Variants in PODXL2 observed in about 807,000 individuals in gnomAD.
The protein encoded by PODXL2 is podocalyxin like 2, also known as podocalyxin-like protein 2.
A neutral mutation model predicts 53.4 loss-of-function variants in PODXL2; 17 were observed. That is an observed-to-expected ratio of 0.32 (90% CI 0.22 to 0.48). The LOEUF is 0.48. Among genes scored for constraint, PODXL2 ranks in the 20% least tolerant of loss-of-function variants. The pLI is 0.99. For synonymous variants in PODXL2, 311 were observed against 306.7 expected (o/e 1.01, Z -0.15); for missense variants, 673 against 760.0 (o/e 0.89, Z 1.35).
intron 2 of PODXL2, among the ~76,000 whole-genome samples, chr3:127,659,409 AG>A (rs1286724910): frequency 6.6e-6 from 1 of 152,218 alleles, no homozygotes; most frequent in Non-Finnish European, 1.5e-5. Context: ...ATTTGATAAA[AG>A]TTTTGGAGGA....
At position 127,660,928 on chromosome 3, in the gene PODXL2, C is replaced by T. The variant is rs544050882; in HGVS notation, c.900C>T (p.His300=). The T allele has an allele frequency of 2.2e-5, 35 of 1,614,224 alleles. No homozygotes were observed. Among genetic ancestry groups the T allele is most frequent in the African/African-American group, 2.7e-5 (2 of 75,048 alleles). Reference sequence around the variant, plus strand: ...GAGCAGCTGGTTTGTCTGGCCAGCACGAGGAGGTGCCGGCCTTGCCTTCAT... The same window carrying T: ...GAGCAGCTGGTTTGTCTGGCCAGCATGAGGAGGTGCCGGCCTTGCCTTCAT... The part of the protein sequence containing the change: ...TAGAAGLSGQ[H]EEVPALPSFP... The change falls in exon 3 of 8, where the codon CAC becomes CAT. Residue 300 remains histidine, a synonymous_variant. Coordinates refer to ENST00000342480, the MANE Select transcript of PODXL2 (RefSeq NM_015720.4).
At chr3:127,642,908 A>G (rs1481442800) in intron 2 of PODXL2, among the ~76,000 whole-genome samples, 1 of 152,214 alleles carries the variant, frequency 6.6e-6, no homozygotes, top group Non-Finnish European at 1.5e-5. Context: ...TTTCCCATCT[A>G]GGAAATGGAG....
intron 4 of PODXL2, among the ~76,000 whole-genome samples, chr3:127,667,612 C>G (rs145949199): frequency 1.3e-5 from 2 of 152,236 alleles, no homozygotes; most frequent in Admixed American, 6.5e-5. Context: ...TGTGCCCCAG[C>G]CTGGGCTCTT....
At chr3:127,662,474 A>T (rs9867113) in intron 4 of PODXL2, among the ~76,000 whole-genome samples, 163 bp downstream of exon 4, 3,133 of 152,192 alleles carry the variant, frequency 0.021, 105 homozygotes, top group African/African-American at 0.067. Flanking sequence ...ACACACAGAG[A>T]GCTTTCGTAT....
chr3:127,639,634 T>A, intron 2 of PODXL2, 111 bp downstream of exon 2: 1 of 1,043,010 alleles, frequency 9.6e-7, no homozygotes, highest in Non-Finnish European at 1.4e-6. Flanking sequence ...CCTACAGTTT[T>A]TACCATGCTG....
Position 127,629,329 on chromosome 3 carries a change from C to T in PODXL2, c.70+40C>T. ...GGCCCGAGCGCGGGAGGGCGGGCGG[C>T]GGCGTGGGCGCGGTGCTGGACAGCT... On this transcript the variant is annotated intron_variant, in intron 1 of 7. Transcript: ENST00000342480. The surrounding 1 kb of genome is among the most constrained non-coding windows in gnomAD (Gnocchi z 6.4). 1 of 1,009,674 alleles carries T rather than the reference C, an allele frequency of 9.9e-7. No individual in the cohort carries two copies. The highest frequency in any genetic ancestry group is 9.4e-5 in the East Asian group (1 of 10,600). 62.5% of individuals were successfully genotyped at this position (1,009,674 alleles called of 1,614,324 possible).
At chr3:127,653,969 T>C (rs1384873004) in intron 2 of PODXL2, among the ~76,000 whole-genome samples, 1 of 152,238 alleles carries the variant, frequency 6.6e-6, no homozygotes, top group Non-Finnish European at 1.5e-5. Context: ...CACAGCAGGA[T>C]GATCAAAATC....
chr3:127,654,965 CAG>C (rs1304567213), intron 2 of PODXL2, among the ~76,000 whole-genome samples: 7 of 151,876 alleles, frequency 4.6e-5, no homozygotes, highest in East Asian at 2.0e-4. Context: ...TTTTGTGAGA[CAG>C]AGTCTCACTC....
At chr3:127,630,537 G>A (rs561749478) in intron 1 of PODXL2, among the ~76,000 whole-genome samples, 1 of 152,316 alleles carries the variant, frequency 6.6e-6, no homozygotes, top group Non-Finnish European at 1.5e-5. Context: ...AGAAACTAGT[G>A]AAGGGTCTCT....
chr3:127,667,813 T>C (rs2074803418), intron 4 of PODXL2, among the ~76,000 whole-genome samples: 1 of 152,212 alleles, frequency 6.6e-6, no homozygotes, highest in Non-Finnish European at 1.5e-5. Context: ...TTTGCTCTTC[T>C]GGCCTCCACC....
intron 1 of PODXL2, among the ~76,000 whole-genome samples, chr3:127,631,081 T>A (rs918309141): frequency 7.2e-5 from 11 of 152,226 alleles, no homozygotes; most frequent in African/African-American, 2.7e-4. Context: ...GCAGTGTGTC[T>A]CTTTCTTACA....
At chr3:127,648,710 G>T (rs2074670688) in intron 2 of PODXL2, among the ~76,000 whole-genome samples, 1 of 151,484 alleles carries the variant, frequency 6.6e-6, no homozygotes, top group Admixed American at 6.6e-5. Flanking sequence ...CTGCTGCATG[G>T]GTTCAAGTGA....
intron 2 of PODXL2, 142 bp from the exon 3 acceptor site, chr3:127,660,236 G>A (rs896021605): frequency 4.3e-6 from 4 of 922,834 alleles, no homozygotes; most frequent in Non-Finnish European, 6.5e-6. Flanking sequence ...CCCACAGTCT[G>A]CTCCCCTGGC....
intron 2 of PODXL2, among the ~76,000 whole-genome samples, chr3:127,647,173 T>G (rs1267701602): frequency 6.6e-6 from 1 of 152,166 alleles, no homozygotes; most frequent in East Asian, 1.9e-4. Flanking sequence ...TTGAAGTCTT[T>G]GCAGCTTGAA....
At position 127,668,551 on chromosome 3, in the gene PODXL2, C is replaced by T. The variant is rs2074810429; in HGVS notation, c.1317C>T (p.Pro439=). The change falls in exon 5 of 8, where the codon CCC becomes CCT. Residue 439 remains proline, a synonymous_variant. Transcript: ENST00000342480. ...HGAWHISLSK[P]SEKEQHLLMT... ...CCTGGCACATCTCTCTGAGCAAGCC[C>T]AGCGAGAAGGAGCAGCACCTTCTCA... is the stretch of plus-strand genomic sequence containing the variant. 1.3e-6 allele frequency: 2 copies of T among 1,577,022 alleles called. 1 individual carries two copies. The highest frequency in any genetic ancestry group is 2.4e-5 in the South Asian group (2 of 84,422).
intron 1 of PODXL2, among the ~76,000 whole-genome samples, chr3:127,630,952 G>A (rs905547449): frequency 6.6e-6 from 1 of 152,256 alleles, no homozygotes; most frequent in Non-Finnish European, 1.5e-5. Flanking sequence ...AACTGCCCAT[G>A]TGCTTATGTG....
At chr3:127,630,176 G>C (rs535753534) in intron 1 of PODXL2, among the ~76,000 whole-genome samples, 19 of 152,276 alleles carry the variant, frequency 1.2e-4, no homozygotes, top group African/African-American at 4.6e-4. Flanking sequence ...GGCCACTATG[G>C]AAATGGCGGG....
chr3:127,669,290 G>A (rs903513200), intron 6 of PODXL2, 88 bp downstream of exon 6: 19 of 915,252 alleles, frequency 2.1e-5, no homozygotes, highest in African/African-American at 2.0e-4. Flanking sequence ...TGCCCACATC[G>A]TGAGGTTCAA....
chr3:127,640,412 A>G (rs1576427484), intron 2 of PODXL2, among the ~76,000 whole-genome samples: 1 of 152,344 alleles, frequency 6.6e-6, no homozygotes, highest in Non-Finnish European at 1.5e-5. Context: ...TACAAAGAAG[A>G]AAATAAGGCT....
Sources: allele counts gnomAD v4.1 joint callset (sites outside exome capture counted in the v4.1 genomes callset), GRCh38; gene constraint gnomAD v4.1.1; non-coding constraint Gnocchi (gnomAD v3.1); transcripts MANE v1.5; gene names NCBI Gene and HGNC (gene_info 2026-07-23, HGNC 2026-07-21).